The following NFIX variants were observed in gnomAD, a reference collection of about 807,000 sequenced individuals.
NFIX encodes nuclear factor 1 X-type.
NFIX carries 2 observed loss-of-function variants against 53.3 expected under a neutral mutation model. The observed-to-expected ratio is 0.04, with a 90% confidence interval of 0.02 to 0.12. The LOEUF (loss-of-function observed/expected upper bound fraction) is 0.12. Among genes scored for constraint, NFIX ranks in the 10% least tolerant of loss-of-function variants. NFIX has a pLI of 1.00. For missense variants in NFIX, 310 were observed against 674.5 expected (o/e 0.46, Z 5.99); for synonymous variants, 244 against 289.0 (o/e 0.84, Z 1.58).
intron 2 of NFIX, among the ~76,000 whole-genome samples, chr19:13,032,600 G>T (rs1489034899): frequency 6.6e-6 from 1 of 152,194 alleles, no homozygotes; most frequent in African/African-American, 2.4e-5. Context: ...CAGTACTTCA[G>T]AATACAGGTT....
chr19:13,081,703 G>A lies in NFIX; in HGVS notation c.1102G>A (p.Ala368Thr). The change falls in exon 8 of 11, where the codon GCC (alanine) becomes ACC (threonine). Residue 368 changes from alanine (A) to threonine (T), a missense_variant. This residue lies in a region of NFIX where 164 missense variants were observed against 284.4 expected (regional missense o/e 0.58). Coordinates refer to ENST00000592199, the MANE Select transcript of NFIX (RefSeq NM_001365902.3). The surrounding 1 kb of genome is among the most constrained non-coding windows in gnomAD (Gnocchi z 4.7). ...AGGGAGCCCCCGGGCCACAGCATCAGCCCTGCACTTCCCCTCCACGTCCAT... is the reference window on the plus strand; with the variant it reads ...AGGGAGCCCCCGGGCCACAGCATCAACCCTGCACTTCCCCTCCACGTCCAT... ...RPGSPRATAS[A>T]LHFPSTSIIQ... is the part of the protein sequence containing the mutation. 1 of 1,613,760 alleles carries A rather than the reference G, an allele frequency of 6.2e-7. No individual in the cohort carries two copies. The highest frequency in any genetic ancestry group is 8.5e-7 in the Non-Finnish European group (1 of 1,179,848).
Position 12,995,854 on chromosome 19 carries a change from G to A in NFIX, c.17G>A (p.Cys6Tyr). Residue 6 changes from cysteine (C) to tyrosine (Y), a missense_variant, in exon 1 of 11, where the codon TGC (cysteine) becomes TAC (tyrosine). Coordinates refer to ENST00000592199, the MANE Select transcript of NFIX (RefSeq NM_001365902.3). ...CGCCCAGCTATGTACTCCCCGTACTGCCTCACCCAGGTACCGGCCGCCGCC... is the reference window on the plus strand; with the variant it reads ...CGCCCAGCTATGTACTCCCCGTACTACCTCACCCAGGTACCGGCCGCCGCC... MYSPYCLTQDEFHPFI... is the reference protein window; with the variant it reads MYSPYYLTQDEFHPFI... 1 of 989,002 alleles carries A rather than the reference G, an allele frequency of 1.0e-6. No individual in the cohort carries two copies. Among genetic ancestry groups the A allele is most frequent in the Non-Finnish European group, 1.2e-6 (1 of 833,868 alleles). The allele number at this position is 989,002 out of a possible 1,614,324, so 61.3% of individuals were successfully genotyped here.
chr19:13,092,053 G>C (rs1255451451), intron 10 of NFIX, among the ~76,000 whole-genome samples: 2 of 152,192 alleles, frequency 1.3e-5, no homozygotes, highest in African/African-American at 2.4e-5. Flanking sequence ...GTGGTTGGGG[G>C]AGCGGAAGCT....
At chr19:13,075,029 C>T (rs1396128911) in intron 5 of NFIX, among the ~76,000 whole-genome samples, 19 of 138,908 alleles carry the variant, frequency 1.4e-4, no homozygotes, top group African/African-American at 4.8e-4. Context: ...GAGATCACGC[C>T]ACTGCACTCC....
rs1050839401 is a variant in NFIX, at chr19:13,022,987, G to T, written c.28-2034G>T. Among the ~76,000 whole-genome samples the T allele has an allele frequency of 6.6e-6, 1 of 151,688 alleles. No homozygotes were observed. ...GGGGCTCTCCCCACCCTCCCTGCTCGCCCGGTTCCCTCCTCCCCTTGGACG... is the reference window on the plus strand; with the variant it reads ...GGGGCTCTCCCCACCCTCCCTGCTCTCCCGGTTCCCTCCTCCCCTTGGACG... On this transcript the variant is annotated intron_variant, in intron 1 of 10. Transcript: ENST00000592199. This position sits in a 1 kb window ranked among gnomAD's most constrained non-coding sequence, Gnocchi z 4.5.
chr19:13,002,316 G>C lies in NFIX; in HGVS notation c.27+6452G>C, dbSNP rs1300397518. Among the ~76,000 whole-genome samples, 2 of 151,498 alleles carry C rather than the reference G, an allele frequency of 1.3e-5. No homozygotes were observed. The highest frequency in any genetic ancestry group is 2.9e-5 in the Non-Finnish European group (2 of 67,928). On this transcript the variant is annotated intron_variant, in intron 1 of 10. Coordinates refer to ENST00000592199, the MANE Select transcript of NFIX (RefSeq NM_001365902.3). The surrounding 1 kb of genome is among the most constrained non-coding windows in gnomAD (Gnocchi z 6.1). ...CTCCGTCTGAATATCTCTCCTCCTC[G>C]ATTTTTGGCTCCAGCTCTGGGCGCG... is the stretch of plus-strand genomic sequence containing the variant.
chr19:13,083,562 C>T (rs748486207), intron 8 of NFIX, among the ~76,000 whole-genome samples: 7 of 152,134 alleles, frequency 4.6e-5, no homozygotes, highest in East Asian at 1.9e-4. Flanking sequence ...TTTAAAAAAA[C>T]GACAGAGGAC....
At position 13,067,485 on chromosome 19, in the gene NFIX, T is replaced by TGC. The variant is rs1555703645; in HGVS notation, c.560-5561_560-5560insCG. 2.0e-3 allele frequency among the ~76,000 whole-genome samples: 54 copies of TGC among 26,670 alleles called. No homozygotes were observed. The highest frequency in any genetic ancestry group is 0.014 in the African/African-American group (31 of 2,222). 17.5% of individuals were successfully genotyped at this position (26,670 alleles called of 152,430 possible). On this transcript the variant is annotated intron_variant, in intron 2 of 10. Coordinates refer to ENST00000592199, the MANE Select transcript of NFIX (RefSeq NM_001365902.3). The surrounding 1 kb of genome is among the most constrained non-coding windows in gnomAD (Gnocchi z 4.2). ...GCGCGTGTGTGTGTGTGTGTGTGCG[T>TGC]GTGTGTGTGTGTGTGTGTGTATGTG...
At position 13,088,083 on chromosome 19, in the gene NFIX, C is replaced by A; in HGVS notation, c.1349C>A (p.Ser450Tyr). The change falls in exon 9 of 11, where the codon TCC becomes TAC. Residue 450 changes from serine to tyrosine, a missense_variant. Transcript: ENST00000592199. This position sits in a 1 kb window ranked among gnomAD's most constrained non-coding sequence, Gnocchi z 5.9. ...ARPVPLPMPD[S>Y]KSTSTAPDGA... ...CCTGTGCCCCTTCCTATGCCTGATT[C>A]CAAATCCACCAGCACTGCCCCAGAC... 6.5e-7 allele frequency: 1 copy of A among 1,536,482 alleles called. No individual in the cohort carries two copies. Among genetic ancestry groups the A allele is most frequent in the Non-Finnish European group, 8.7e-7 (1 of 1,146,974 alleles).
Position 13,073,371 on chromosome 19 carries a change from G to A in NFIX, c.623-51G>A. On this transcript the variant is annotated intron_variant, in intron 3 of 10. Transcript: ENST00000592199. This position sits in a 1 kb window ranked among gnomAD's most constrained non-coding sequence, Gnocchi z 4.5. The stretch of plus-strand genomic sequence containing the variant: ...GTGGAAGACCTTTGGAAATAGCCAG[G>A]CAGCCCCCTTCTGGCCTTGTCTTGA... The A allele has an allele frequency of 6.8e-7, 1 of 1,471,598 alleles. No homozygotes were observed. The highest frequency in any genetic ancestry group is 9.5e-7 in the Non-Finnish European group (1 of 1,050,044). The allele number at this position is 1,471,598 out of a possible 1,614,324, so 91.2% of individuals were successfully genotyped here.
intron 2 of NFIX, among the ~76,000 whole-genome samples, chr19:13,069,263 C>G (rs2016620294): frequency 6.6e-6 from 1 of 152,194 alleles, no homozygotes; most frequent in Non-Finnish European, 1.5e-5. Context: ...AGTGTCCCCA[C>G]TGGCTGGCAA....
At chr19:13,024,946 C>G (rs2013204661) in intron 1 of NFIX, 75 bp from the exon 2 acceptor site, 3 of 1,538,808 alleles carry the variant, frequency 1.9e-6, no homozygotes, top group Non-Finnish European at 1.8e-6. Flanking sequence ...TTCTCCTTCT[C>G]TCTTTCCCCC....
chr19:13,062,495 G>A (rs768694586), intron 2 of NFIX, among the ~76,000 whole-genome samples: 5 of 152,216 alleles, frequency 3.3e-5, no homozygotes, highest in Non-Finnish European at 7.3e-5. Context: ...CCAACAGAGA[G>A]GGCTTGTCCT....
chr19:13,094,562 C>A lies in NFIX; in HGVS notation c.1495-73C>A. ...GCTGGACCCTTGAGGGGCCAGGTCA[C>A]TGGGCCAGGTAGGAGTGAGATGGGA... On this transcript the variant is annotated intron_variant, in intron 10 of 10. Coordinates refer to ENST00000592199, the MANE Select transcript of NFIX (RefSeq NM_001365902.3). This position sits in a 1 kb window ranked among gnomAD's most constrained non-coding sequence, Gnocchi z 4.3. 6.7e-7 allele frequency: 1 copy of A among 1,498,552 alleles called. No individual in the cohort carries two copies. The highest frequency in any genetic ancestry group is 9.0e-7 in the Non-Finnish European group (1 of 1,115,270). 92.8% of individuals were successfully genotyped at this position (1,498,552 alleles called of 1,614,324 possible). A position where few individuals can be genotyped will look rare whatever the true frequency, so the allele number is the denominator to read the frequency against.
chr19:13,029,912 C>T (rs2013668924), intron 2 of NFIX, among the ~76,000 whole-genome samples: 2 of 152,188 alleles, frequency 1.3e-5, no homozygotes, highest in South Asian at 4.1e-4. Context: ...CATTGTTCAG[C>T]TGTGTCCATA....
rs1055943641 is a variant in NFIX, at chr19:13,043,184, T to C, written c.559+17632T>C. ...ACATGGTGTTACCCAGTGTAAAAGC[T>C]AATCATGGACATCAGCCCACATTCT... On this transcript the variant is annotated intron_variant, in intron 2 of 10. Coordinates refer to ENST00000592199, the MANE Select transcript of NFIX (RefSeq NM_001365902.3). This position sits in a 1 kb window ranked among gnomAD's most constrained non-coding sequence, Gnocchi z 4.0. Among the ~76,000 whole-genome samples the C allele has an allele frequency of 1.3e-5, 2 of 152,216 alleles. No homozygotes were observed. The highest frequency in any genetic ancestry group is 4.8e-5 in the African/African-American group (2 of 41,458).
At chr19:13,010,682 T>C (rs1323954332) in intron 1 of NFIX, among the ~76,000 whole-genome samples, 1 of 152,196 alleles carries the variant, frequency 6.6e-6, no homozygotes, top group South Asian at 2.1e-4. Flanking sequence ...TCCAGGTGGG[T>C]CCGTGAGCCC....
chr19:13,050,474 AG>A (rs2015259129), intron 2 of NFIX, among the ~76,000 whole-genome samples: 5 of 152,306 alleles, frequency 3.3e-5, no homozygotes, highest in South Asian at 2.1e-4. Flanking sequence ...TTTCAGCTGC[AG>A]GGGGGTGTTA....
At chr19:13,029,214 A>G (rs1175882122) in intron 2 of NFIX, among the ~76,000 whole-genome samples, 1 of 152,208 alleles carries the variant, frequency 6.6e-6, no homozygotes, top group Non-Finnish European at 1.5e-5. Flanking sequence ...GTTATTTAGA[A>G]GATCCAGGCA....
Sources: allele counts gnomAD v4.1 joint callset (sites outside exome capture counted in the v4.1 genomes callset), GRCh38; gene constraint gnomAD v4.1.1; regional missense constraint gnomAD v4.1.1; non-coding constraint Gnocchi (gnomAD v3.1); transcripts MANE v1.5; gene names NCBI Gene and HGNC (gene_info 2026-07-23, HGNC 2026-07-21).